Variants in CRACR2A observed in about 807,000 individuals in gnomAD.
CRACR2A encodes the protein EF-hand calcium-binding domain-containing protein 4B.
CRACR2A carries 79 observed loss-of-function variants against 90.5 expected under a neutral mutation model. That is an observed-to-expected ratio of 0.87 (90% CI 0.73 to 1.05). The LOEUF (loss-of-function observed/expected upper bound fraction) is 1.05. Ranked by LOEUF, CRACR2A falls within the 50% of genes least tolerant of loss-of-function variation. The pLI is 0.00. For synonymous variants in CRACR2A, 338 were observed against 356.7 expected, an observed-to-expected ratio of 0.95 and a Z score of 0.59; for missense variants, 823 against 897.2, an observed-to-expected ratio of 0.92 and a Z score of 1.06.
intron 6 of CRACR2A, 28 bp from the exon 7 acceptor site, chr12:3,673,620 A>C (rs1197773186): frequency 6.2e-7 from 1 of 1,608,146 alleles, no homozygotes; most frequent in Non-Finnish European, 8.5e-7. Context: ...CTCATGTGGA[A>C]GTGTGGAGAT....
At chr12:3,619,492 G>A in intron 17 of CRACR2A, 120 bp from the exon 18 acceptor site, 2 of 752,446 alleles carry the variant, frequency 2.7e-6, no homozygotes, top group South Asian at 1.6e-5. Flanking sequence ...GCCATAAAAG[G>A]TGAGGCCGTA....
intron 8 of CRACR2A, among the ~76,000 whole-genome samples, chr12:3,656,846 G>A (rs1187148551): frequency 6.6e-6 from 1 of 152,198 alleles, no homozygotes; most frequent in Non-Finnish European, 1.5e-5. Context: ...TCCAGGTTGG[G>A]CATTGGCATC....
intron 17 of CRACR2A, among the ~76,000 whole-genome samples, chr12:3,622,864 A>G (rs1244182630): frequency 2.0e-5 from 3 of 152,220 alleles, no homozygotes; most frequent in African/African-American, 7.2e-5. Context: ...TGTGTGGTTC[A>G]TTTTAAACTG....
At chr12:3,650,920 T>A (rs1944783714) in intron 10 of CRACR2A, among the ~76,000 whole-genome samples, 1 of 152,226 alleles carries the variant, frequency 6.6e-6, no homozygotes, top group Non-Finnish European at 1.5e-5. Context: ...TACATCCATA[T>A]ATACACACAT....
At chr12:3,636,410 G>A (rs1035229829) in intron 14 of CRACR2A, among the ~76,000 whole-genome samples, 1 of 152,200 alleles carries the variant, frequency 6.6e-6, no homozygotes, top group Admixed American at 6.5e-5. Context: ...TCGTGGAGTG[G>A]GCACAGAAGT....
chr12:3,688,204 T>C (rs951509252), intron 4 of CRACR2A, among the ~76,000 whole-genome samples: 2 of 152,230 alleles, frequency 1.3e-5, no homozygotes, highest in African/African-American at 2.4e-5. Context: ...TAGATTCCAT[T>C]TGTCAATTTT....
At chr12:3,622,499 C>T (rs1410757372) in intron 17 of CRACR2A, among the ~76,000 whole-genome samples, 3 of 152,188 alleles carry the variant, frequency 2.0e-5, no homozygotes, top group African/African-American at 7.2e-5. Flanking sequence ...TGTTGGAAGA[C>T]AGACTTGTTG....
Position 3,711,887 on chromosome 12 carries a change from T to C in CRACR2A, c.-37+1350A>G, listed in dbSNP as rs775150732. On this transcript the variant is annotated intron_variant, in intron 3 of 19. Coordinates refer to ENST00000440314, the MANE Select transcript of CRACR2A (RefSeq NM_001144958.2). The surrounding 1 kb of genome is among the most constrained non-coding windows in gnomAD (Gnocchi z 4.3). ...ATCCAAAGGGCTAAATTTTGACATT[T>C]TCTCCAAACCATAGTCTTTCTTGTA... Among the ~76,000 whole-genome samples the C allele has an allele frequency of 8.5e-5, 13 of 152,214 alleles. No homozygotes were observed. The highest frequency in any genetic ancestry group is 1.9e-4 in the Non-Finnish European group (13 of 68,034).
At chr12:3,744,697 C>T (rs1167040611) in intron 1 of CRACR2A, among the ~76,000 whole-genome samples, 2 of 152,016 alleles carry the variant, frequency 1.3e-5, no homozygotes, top group African/African-American at 4.8e-5. Context: ...TAAACCCAAA[C>T]AAACAGAAAG....
chr12:3,708,193 T>G (rs1945956601), intron 3 of CRACR2A, among the ~76,000 whole-genome samples: 1 of 152,164 alleles, frequency 6.6e-6, no homozygotes, highest in Non-Finnish European at 1.5e-5. Flanking sequence ...GCCTGGAAGT[T>G]TCCCCCACCC....
chr12:3,639,512 T>C (rs913356456), intron 13 of CRACR2A, among the ~76,000 whole-genome samples: 1 of 66,246 alleles, frequency 1.5e-5, no homozygotes, highest in Non-Finnish European at 3.2e-5. Context: ...GAAAAGAAAA[T>C]GGAATGGGGA....
intron 10 of CRACR2A, among the ~76,000 whole-genome samples, chr12:3,649,239 GATAAATAAATAA>G (rs367646184): frequency 2.0e-4 from 30 of 149,100 alleles, no homozygotes; most frequent in African/African-American, 6.7e-4. Context: ...ACAATAATAA[GATAAATAAATAA>G]ATAAATAAAT....
intron 18 of CRACR2A, among the ~76,000 whole-genome samples, chr12:3,617,295 T>C (rs1188636174): frequency 6.6e-6 from 1 of 152,208 alleles, no homozygotes; most frequent in Non-Finnish European, 1.5e-5. Context: ...AGTTCCTCTT[T>C]ACACTTTCCC....
intron 13 of CRACR2A, among the ~76,000 whole-genome samples, chr12:3,639,642 G>A (rs898652043): frequency 6.6e-6 from 1 of 151,776 alleles, no homozygotes; most frequent in African/African-American, 2.4e-5. Context: ...TACTCTTAAA[G>A]ATCAACAGTA....
intron 7 of CRACR2A, among the ~76,000 whole-genome samples, chr12:3,660,870 AC>A (rs1945019089): frequency 6.9e-6 from 1 of 144,370 alleles, no homozygotes; most frequent in South Asian, 2.2e-4. Flanking sequence ...ACACACACAC[AC>A]ACACACACAC....
At chr12:3,739,462 A>G (rs1333906604) in intron 1 of CRACR2A, among the ~76,000 whole-genome samples, 1 of 152,224 alleles carries the variant, frequency 6.6e-6, no homozygotes, top group Non-Finnish European at 1.5e-5. Context: ...AAATTAATGA[A>G]TACATTTTAA....
chr12:3,640,945 CT>C (rs1944555935), intron 13 of CRACR2A, among the ~76,000 whole-genome samples: 1 of 152,194 alleles, frequency 6.6e-6, no homozygotes, highest in South Asian at 2.1e-4. Flanking sequence ...TGGAAACGAT[CT>C]GTCAAGCACA....
At chr12:3,723,199 G>C (rs776364092) in intron 2 of CRACR2A, among the ~76,000 whole-genome samples, 5 of 152,130 alleles carry the variant, frequency 3.3e-5, no homozygotes, top group Non-Finnish European at 5.9e-5. Flanking sequence ...GCTGAGCATG[G>C]AGTAGCATGC....
At chr12:3,692,221 T>C (rs1043633711) in intron 4 of CRACR2A, among the ~76,000 whole-genome samples, 3 of 152,208 alleles carry the variant, frequency 2.0e-5, no homozygotes, top group African/African-American at 7.2e-5. Context: ...TCTGGCTTTT[T>C]GAGTTGTCAG....
Sources: gnomAD v4.1 joint callset for allele counts (sites outside exome capture counted in the v4.1 genomes callset) on GRCh38, gnomAD v4.1.1 for gene constraint, Gnocchi (gnomAD v3.1) non-coding constraint, MANE v1.5 for transcripts, NCBI Gene and HGNC (gene_info 2026-07-23, HGNC 2026-07-21) for gene names.